Variants in PPP3CC observed in about 807,000 individuals in gnomAD.
The protein encoded by PPP3CC is serine/threonine-protein phosphatase 2B catalytic subunit gamma isoform.
In PPP3CC, 35 loss-of-function variants were observed where a neutral mutation model predicts 60.3. That is an observed-to-expected ratio of 0.58 (90% CI 0.44 to 0.77). PPP3CC has a LOEUF of 0.77. Ranked by LOEUF, PPP3CC falls within the 30% of genes least tolerant of loss-of-function variation. The pLI is 0.00. For missense variants in PPP3CC, 570 were observed against 628.9 expected, an observed-to-expected ratio of 0.91 and a Z score of 1.00; for synonymous variants, 206 against 224.3, an observed-to-expected ratio of 0.92 and a Z score of 0.73.
chr8:22,533,654 G>A (rs551974498), intron 12 of PPP3CC, among the ~76,000 whole-genome samples: 20 of 151,354 alleles, frequency 1.3e-4, no homozygotes, highest in Admixed American at 9.9e-4. Flanking sequence ...GTGAAACTCC[G>A]TCTCTACTAA....
intron 12 of PPP3CC, among the ~76,000 whole-genome samples, chr8:22,535,353 T>G (rs1047390272): frequency 6.6e-6 from 1 of 152,250 alleles, no homozygotes; most frequent in Non-Finnish European, 1.5e-5. Flanking sequence ...ATCATATTAC[T>G]GGGTGACTAA....
At position 22,506,479 on chromosome 8, in the gene PPP3CC, A is replaced by G. The variant is rs548726138; in HGVS notation, c.485-4607A>G. The stretch of plus-strand genomic sequence containing the variant: ...AAGTAAAGAACAGTACATATATGCT[A>G]TCATTTATGTAAAAACCAAAAGGAT... On this transcript the variant is annotated intron_variant, in intron 4 of 13. Coordinates refer to ENST00000240139, the MANE Select transcript of PPP3CC (RefSeq NM_005605.5). Among the ~76,000 whole-genome samples the G allele has an allele frequency of 2.0e-5, 3 of 152,350 alleles. No individual in the cohort carries two copies. In the East Asian group the frequency reaches 5.8e-4, roughly 29 times the overall value.
intron 1 of PPP3CC, among the ~76,000 whole-genome samples, chr8:22,469,828 G>C (rs887264370): frequency 6.6e-6 from 1 of 151,902 alleles, no homozygotes; most frequent in Non-Finnish European, 1.5e-5. Flanking sequence ...CTGAATTTAT[G>C]GTCCACAGAA....
At chr8:22,453,423 T>G (rs1258324873) in intron 1 of PPP3CC, among the ~76,000 whole-genome samples, 4 of 152,198 alleles carry the variant, frequency 2.6e-5, no homozygotes, top group Admixed American at 1.3e-4. Flanking sequence ...CATTGTATAG[T>G]GTACAGTTAT....
At chr8:22,525,645 C>G (rs1215255909) in intron 8 of PPP3CC, among the ~76,000 whole-genome samples, 1 of 151,650 alleles carries the variant, frequency 6.6e-6, no homozygotes, top group Non-Finnish European at 1.5e-5. Context: ...GCAGCCTCGA[C>G]TTCCTGGGCT....
At chr8:22,497,706 C>A (rs146055997) in intron 3 of PPP3CC, among the ~76,000 whole-genome samples, 82 of 151,948 alleles carry the variant, frequency 5.4e-4, no homozygotes, top group African/African-American at 1.9e-3. Flanking sequence ...GTGAAAATGC[C>A]GTTAGTGTTT....
intron 1 of PPP3CC, among the ~76,000 whole-genome samples, chr8:22,459,927 A>G (rs1837317996): frequency 6.6e-6 from 1 of 152,250 alleles, no homozygotes; most frequent in South Asian, 2.1e-4. Flanking sequence ...GTTCTTCTAA[A>G]GATGTTTAAG....
At chr8:22,490,947 A>T (rs1419496152) in intron 3 of PPP3CC, among the ~76,000 whole-genome samples, 1 of 152,210 alleles carries the variant, frequency 6.6e-6, no homozygotes, top group Non-Finnish European at 1.5e-5. Context: ...AGCATGACTT[A>T]TAATCCTTTG....
intron 6 of PPP3CC, among the ~76,000 whole-genome samples, chr8:22,521,812 T>A (rs1426881989): frequency 6.6e-6 from 1 of 152,120 alleles, no homozygotes; most frequent in Non-Finnish European, 1.5e-5. Context: ...AAAAGAATAT[T>A]TTAGGAGTAT....
chr8:22,489,737 A>ATATATTATATATTATATAT (rs1367942052), intron 3 of PPP3CC, among the ~76,000 whole-genome samples: 1 of 42,576 alleles, frequency 2.3e-5, no homozygotes, highest in African/African-American at 9.0e-5. Context: ...TTATATATAT[A>ATATATTATATATTATATAT]ATAAGTATAT....
At chr8:22,489,671 AG>A (rs1242698922) in intron 3 of PPP3CC, among the ~76,000 whole-genome samples, 26 of 135,052 alleles carry the variant, frequency 1.9e-4, no homozygotes, top group Non-Finnish European at 2.3e-4. Context: ...ATTATATATA[AG>A]TATATATTAT....
chr8:22,450,106 T>G (rs1836965264), intron 1 of PPP3CC, among the ~76,000 whole-genome samples: 1 of 152,102 alleles, frequency 6.6e-6, no homozygotes, highest in Non-Finnish European at 1.5e-5. Flanking sequence ...CCTGACCTTG[T>G]GATCTGCCCA....
At chr8:22,492,713 G>T (rs1838444745) in intron 3 of PPP3CC, 4 of 970,146 alleles carry the variant, frequency 4.1e-6, no homozygotes, top group Admixed American at 3.6e-5. Flanking sequence ...GAAGAAGGCG[G>T]TTCATAGAAC....
chr8:22,539,992 G>C (rs1344936300), intron 13 of PPP3CC, among the ~76,000 whole-genome samples: 1 of 152,176 alleles, frequency 6.6e-6, no homozygotes, highest in Non-Finnish European at 1.5e-5. Context: ...TGATAAACTT[G>C]TATTATACTT....
chr8:22,480,925 AAAAAT>A lies in PPP3CC; in HGVS notation c.372+5306_372+5310del, dbSNP rs1195404443. On this transcript the variant is annotated intron_variant, in intron 3 of 13. Coordinates refer to ENST00000240139, the MANE Select transcript of PPP3CC (RefSeq NM_005605.5). Reference sequence around the variant, plus strand: ...AGCCTGAGCAAGACCTTGTTTCTATAAAAATAAAAAACAAAAAAAGACTTAATTGA... The same window carrying A: ...AGCCTGAGCAAGACCTTGTTTCTATAAAAAAACAAAAAAAGACTTAATTGA... Among the ~76,000 whole-genome samples, 3 of 152,218 alleles carry A rather than the reference AAAAAT, an allele frequency of 2.0e-5. No homozygotes were observed. In the East Asian group the frequency reaches 5.8e-4, roughly 29 times the overall value.
intron 4 of PPP3CC, among the ~76,000 whole-genome samples, chr8:22,503,902 C>T (rs1368596076): frequency 6.6e-6 from 1 of 152,096 alleles, no homozygotes; most frequent in South Asian, 2.1e-4. Flanking sequence ...AAGGAGAGAG[C>T]ATGTGTGTTG....
At chr8:22,464,519 A>C (rs1837457833) in intron 1 of PPP3CC, among the ~76,000 whole-genome samples, 1 of 151,926 alleles carries the variant, frequency 6.6e-6, no homozygotes. Context: ...AGCTGGGACT[A>C]TAGGTGTGCA....
At chr8:22,528,220 T>TA (rs1318687253) in intron 9 of PPP3CC, among the ~76,000 whole-genome samples, 1 of 152,218 alleles carries the variant, frequency 6.6e-6, no homozygotes, top group Non-Finnish European at 1.5e-5. Flanking sequence ...CTCACGTGTG[T>TA]ATCAGTGTGG....
intron 13 of PPP3CC, 132 bp from the exon 14 acceptor site, chr8:22,540,483 C>A: frequency 4.7e-6 from 4 of 856,138 alleles, no homozygotes; most frequent in Non-Finnish European, 7.1e-6. Flanking sequence ...ATGACTTTCA[C>A]TAGACGTGTG....
Sources: gnomAD v4.1 joint callset for allele counts (sites outside exome capture counted in the v4.1 genomes callset) on GRCh38, gnomAD v4.1.1 for gene constraint, MANE v1.5 for transcripts, NCBI Gene and HGNC (gene_info 2026-07-23, HGNC 2026-07-21) for gene names.